The following ANO3 variants were observed in gnomAD, a reference collection of about 807,000 sequenced individuals.
ANO3 encodes the protein anoctamin 3.
ANO3 carries 99 observed loss-of-function variants against 144.8 expected under a neutral mutation model. The observed-to-expected ratio is 0.68, with a 90% confidence interval of 0.58 to 0.81. ANO3 has a LOEUF of 0.81. Among genes scored for constraint, ANO3 ranks in the 30% least tolerant of loss-of-function variants. ANO3 has a pLI of 0.00. For synonymous variants in ANO3, 414 were observed against 392.6 expected (o/e 1.05, Z -0.64); for missense variants, 905 against 1,202.2 (o/e 0.75, Z 3.66).
intron 4 of ANO3, among the ~76,000 whole-genome samples, chr11:26,467,114 T>A (rs920322593): frequency 6.6e-6 from 1 of 151,978 alleles, no homozygotes; most frequent in African/African-American, 2.4e-5. Context: ...AAAATGTGTT[T>A]ATAGTTAACA....
chr11:26,443,724 T>C, intron 2 of ANO3, 41 bp from the exon 3 acceptor site: 1 of 1,317,050 alleles, frequency 7.6e-7, no homozygotes, highest in Non-Finnish European at 1.1e-6. Context: ...GTTGTTATGC[T>C]TTTATTTCCC....
intron 1 of ANO3, among the ~76,000 whole-genome samples, chr11:26,404,505 G>A (rs139958089): frequency 9.9e-5 from 15 of 151,884 alleles, no homozygotes; most frequent in African/African-American, 3.4e-4. Flanking sequence ...ATTCTAGTGA[G>A]TAAGAGTATT....
At chr11:26,627,846 T>C (rs1852640346) in intron 18 of ANO3, among the ~76,000 whole-genome samples, 1 of 144,514 alleles carries the variant, frequency 6.9e-6, no homozygotes, top group Non-Finnish European at 1.5e-5. Context: ...TGTGTGTGTG[T>C]GTGTGTGTGC....
At chr11:26,633,099 G>A (rs2029713) in intron 18 of ANO3, among the ~76,000 whole-genome samples, 74,263 of 151,714 alleles carry the variant, frequency 0.49, 18,535 homozygotes, top group Middle Eastern at 0.55. Flanking sequence ...GCTAGTGCAT[G>A]TGTTGGTGTA....
At chr11:26,215,796 A>C (rs1456319432) in intron 1 of ANO3, among the ~76,000 whole-genome samples, 5 of 151,934 alleles carry the variant, frequency 3.3e-5, no homozygotes, top group Admixed American at 3.3e-4. Flanking sequence ...ACCGGACTCT[A>C]ATCCATTACC....
chr11:26,372,193 G>A (rs554294433), intron 1 of ANO3, among the ~76,000 whole-genome samples: 15 of 152,220 alleles, frequency 9.9e-5, no homozygotes, highest in East Asian at 9.7e-4. Context: ...TCATGGGATC[G>A]GATGGTTTTA....
chr11:26,555,768 T>C (rs937304435), intron 13 of ANO3, among the ~76,000 whole-genome samples: 23 of 152,194 alleles, frequency 1.5e-4, no homozygotes, highest in African/African-American at 5.5e-4. Flanking sequence ...TCTATTTTAC[T>C]ATATATTTTT....
chr11:26,356,131 T>C (rs1363769619), intron 1 of ANO3, among the ~76,000 whole-genome samples: 1 of 152,196 alleles, frequency 6.6e-6, no homozygotes, highest in Admixed American at 6.5e-5. Context: ...CTTTTTTCTT[T>C]TTATTCCACT....
At chr11:26,304,302 T>G (rs1854311953) in intron 1 of ANO3, among the ~76,000 whole-genome samples, 1 of 152,166 alleles carries the variant, frequency 6.6e-6, no homozygotes, top group Non-Finnish European at 1.5e-5. Flanking sequence ...AAATGTAGAT[T>G]GTCCTCTACA....
intron 1 of ANO3, among the ~76,000 whole-genome samples, chr11:26,258,171 A>G (rs1564936999): frequency 1.3e-5 from 2 of 152,200 alleles, no homozygotes; most frequent in South Asian, 2.1e-4. Flanking sequence ...AAGAGTAAGT[A>G]TGTATTAACT....
chr11:26,409,498 G>A (rs1337949367), intron 1 of ANO3, among the ~76,000 whole-genome samples: 1 of 151,862 alleles, frequency 6.6e-6, no homozygotes, highest in Non-Finnish European at 1.5e-5. Context: ...ACTGGACATT[G>A]ATACCTCACG....
At chr11:26,515,231 C>T (rs1334155563) in intron 5 of ANO3, among the ~76,000 whole-genome samples, 1 of 151,968 alleles carries the variant, frequency 6.6e-6, no homozygotes, top group Non-Finnish European at 1.5e-5. Context: ...GCATCTTAAG[C>T]TATTTTCCCA....
At chr11:26,595,983 T>C (rs536044651) in intron 14 of ANO3, among the ~76,000 whole-genome samples, 1 of 152,310 alleles carries the variant, frequency 6.6e-6, no homozygotes, top group African/African-American at 2.4e-5. Flanking sequence ...GTTAAGAATT[T>C]TTGATAGGAA....
intron 1 of ANO3, among the ~76,000 whole-genome samples, chr11:26,413,752 C>T (rs1283350175): frequency 6.6e-6 from 1 of 151,908 alleles, no homozygotes; most frequent in African/African-American, 2.4e-5. Flanking sequence ...TTATTAAAAA[C>T]AGAACAAAGG....
upstream of ANO3, chr11:26,332,103 A>G (rs1855060777): frequency 6.7e-7 from 1 of 1,481,590 alleles, no homozygotes; most frequent in East Asian, 2.5e-5. Flanking sequence ...CGTTCCCATG[A>G]CAACGACACC....
At chr11:26,585,996 T>C (rs966743074) in intron 14 of ANO3, among the ~76,000 whole-genome samples, 1 of 152,228 alleles carries the variant, frequency 6.6e-6, no homozygotes, top group African/African-American at 2.4e-5. Flanking sequence ...GACAGCATTA[T>C]TTCTCCTGGC....
Position 26,236,771 on chromosome 11 carries a change from T to C in ANO3, c.154+47441T>C, listed in dbSNP as rs1250453553. Among the ~76,000 whole-genome samples, 6 of 138,004 alleles carry C rather than the reference T, an allele frequency of 4.3e-5. No homozygotes were observed. In the East Asian group the frequency reaches 1.1e-3, roughly 25 times the overall value. The allele number at this position is 138,004 out of a possible 152,430, so 90.5% of individuals were successfully genotyped here. ...AGGCAGAGCTTGCAGTGAGCCCAGA[T>C]CGCGCCACTGCACTCCAGCCTGGGC... On this transcript the variant is annotated intron_variant, in intron 1 of 27. Coordinates refer to the ANO3 transcript ENST00000672621.
intron 1 of ANO3, among the ~76,000 whole-genome samples, chr11:26,293,533 GTATATATATA>G (rs59115569): frequency 7.7e-5 from 2 of 25,952 alleles, no homozygotes; most frequent in African/African-American, 2.7e-4. Flanking sequence ...TAAATTCCAT[GTATATATATA>G]TATATATATA....
chr11:26,460,199 A>T, intron 3 of ANO3: 1 of 368,434 alleles, frequency 2.7e-6, no homozygotes, highest in Non-Finnish European at 5.3e-6. Flanking sequence ...AATTTACTTC[A>T]ATTTTTCTAC....
Sources: allele counts gnomAD v4.1 joint callset (sites outside exome capture counted in the v4.1 genomes callset), GRCh38; gene constraint gnomAD v4.1.1; transcripts MANE v1.5; gene names NCBI Gene and HGNC (gene_info 2026-07-23, HGNC 2026-07-21).